ATE1: variants seen among roughly 807,000 people sequenced by gnomAD.
The protein encoded by ATE1 is arginyltransferase 1, also known as arginyl-tRNA--protein transferase 1.
A neutral mutation model predicts 70.5 loss-of-function variants in ATE1; 36 were observed. The ratio of observed to expected loss-of-function variants is 0.51; its 90% CI spans 0.39 to 0.67. The LOEUF (loss-of-function observed/expected upper bound fraction) is 0.67. ATE1 is among the 30% of genes least tolerant of loss of function. The pLI, the probability that ATE1 is intolerant of heterozygous loss-of-function variation, is 0.00. For synonymous variants in ATE1, 232 were observed against 219.3 expected, an observed-to-expected ratio of 1.06 and a Z score of -0.51; for missense variants, 593 against 629.5, an observed-to-expected ratio of 0.94 and a Z score of 0.62.
At chr10:121,771,570 A>C (rs902446528) in intron 11 of ATE1, among the ~76,000 whole-genome samples, 3 of 152,228 alleles carry the variant, frequency 2.0e-5, no homozygotes, top group Non-Finnish European at 2.9e-5. Context: ...CACTCCAGAC[A>C]TGAAACACAC....
At chr10:121,779,416 C>T (rs559308241) in intron 11 of ATE1, among the ~76,000 whole-genome samples, 11 of 152,268 alleles carry the variant, frequency 7.2e-5, no homozygotes, top group Admixed American at 4.6e-4. Context: ...CCAGCACCTG[C>T]TTCAATGGAA....
chr10:121,789,299 T>TTTTTC (rs1463859267), intron 11 of ATE1, among the ~76,000 whole-genome samples: 1 of 140,700 alleles, frequency 7.1e-6, no homozygotes, highest in Non-Finnish European at 1.5e-5. Flanking sequence ...GGCTATGCTT[T>TTTTTC]TTTTTTTTTT....
intron 8 of ATE1, among the ~76,000 whole-genome samples, chr10:121,867,292 C>T (rs183205881): frequency 2.0e-5 from 3 of 152,282 alleles, no homozygotes; most frequent in South Asian, 2.1e-4. Flanking sequence ...TCTTTGCCAT[C>T]GGTGAGTAGT....
intron 8 of ATE1, among the ~76,000 whole-genome samples, chr10:121,843,668 C>A (rs1418616025): frequency 6.6e-6 from 1 of 151,134 alleles, no homozygotes; most frequent in Admixed American, 6.6e-5. Context: ...AAAGGCAATG[C>A]AATAGAGAAA....
intron 10 of ATE1, among the ~76,000 whole-genome samples, chr10:121,790,973 CAT>C (rs202197581): frequency 0.012 from 1,469 of 121,948 alleles, 27 homozygotes; most frequent in African/African-American, 0.04. Flanking sequence ...TGTGTGTGTA[CAT>C]ATATGTGTGT....
At chr10:121,816,123 G>A (rs1947531343) in intron 10 of ATE1, among the ~76,000 whole-genome samples, 1 of 151,706 alleles carries the variant, frequency 6.6e-6, no homozygotes, top group African/African-American at 2.4e-5. Flanking sequence ...ACAAATTGAT[G>A]GTATTTTGTT....
chr10:121,799,941 C>G (rs1269778801), intron 10 of ATE1, among the ~76,000 whole-genome samples: 2 of 152,188 alleles, frequency 1.3e-5, no homozygotes, highest in East Asian at 3.8e-4. Flanking sequence ...GAAAAATGCA[C>G]TGAAGTTACT....
At chr10:121,823,370 A>G (rs1167773953) in intron 10 of ATE1, among the ~76,000 whole-genome samples, 1 of 152,202 alleles carries the variant, frequency 6.6e-6, no homozygotes, top group Non-Finnish European at 1.5e-5. Flanking sequence ...CCAGCTTTAG[A>G]ATGTAGGGAG....
intron 7 of ATE1, among the ~76,000 whole-genome samples, chr10:121,879,167 C>T (rs1950152283): frequency 1.3e-5 from 2 of 151,858 alleles, no homozygotes; most frequent in Non-Finnish European, 1.5e-5. Context: ...AAGACAGATG[C>T]CACCATGATT....
intron 8 of ATE1, among the ~76,000 whole-genome samples, chr10:121,850,326 A>C (rs1372480221): frequency 1.3e-5 from 2 of 151,826 alleles, no homozygotes; most frequent in African/African-American, 4.8e-5. Flanking sequence ...AACTCTCTAT[A>C]CTCTCCTCTA....
chr10:121,833,795 G>A (rs973679936), intron 10 of ATE1, among the ~76,000 whole-genome samples: 1 of 152,136 alleles, frequency 6.6e-6, no homozygotes, highest in African/African-American at 2.4e-5. Context: ...TTAATAAACA[G>A]AAAACAGCAA....
At chr10:121,759,151 A>G (rs1944928783) in intron 11 of ATE1, among the ~76,000 whole-genome samples, 3 of 152,346 alleles carry the variant, frequency 2.0e-5, no homozygotes, top group Middle Eastern at 6.8e-3. Context: ...GCAAATACAA[A>G]AGAAAAGTTC....
At chr10:121,750,690 A>C (rs1315977769) in intron 11 of ATE1, among the ~76,000 whole-genome samples, 2 of 152,244 alleles carry the variant, frequency 1.3e-5, no homozygotes, top group Non-Finnish European at 2.9e-5. Context: ...TAGGCTTTCC[A>C]AAAATTAATG....
intron 10 of ATE1, among the ~76,000 whole-genome samples, chr10:121,804,420 T>C (rs1467401152): frequency 6.6e-6 from 1 of 152,138 alleles, no homozygotes; most frequent in African/African-American, 2.4e-5. Context: ...GATACCGAAA[T>C]AGCATAATTA....
chr10:121,843,673 G>A (rs775504809), intron 8 of ATE1, among the ~76,000 whole-genome samples: 52 of 151,550 alleles, frequency 3.4e-4, no homozygotes, highest in Non-Finnish European at 5.0e-4. Context: ...CAATGCAATA[G>A]AGAAAGAATA....
At chr10:121,837,420 A>G (rs185151958) in intron 9 of ATE1, among the ~76,000 whole-genome samples, 3 of 152,322 alleles carry the variant, frequency 2.0e-5, no homozygotes, top group Non-Finnish European at 2.9e-5. Context: ...TCTCTCCACT[A>G]TAACGCCTAT....
At chr10:121,784,472 G>A (rs1946125990) in intron 11 of ATE1, among the ~76,000 whole-genome samples, 1 of 152,138 alleles carries the variant, frequency 6.6e-6, no homozygotes, top group Non-Finnish European at 1.5e-5. Flanking sequence ...GCAAACTAGG[G>A]AAGTCTAGTA....
rs1010933453 is a variant in ATE1, at chr10:121,743,755, C to G, written c.1482G>C (p.Glu494Asp). The change falls in exon 12 of 12, where the codon GAG becomes GAC. Residue 494 changes from glutamate (E) to aspartate (D), a missense_variant. Around this residue, in one of 3 missense-constraint regions of ATE1, gnomAD observed 90 missense variants for 93.7 expected, o/e 0.96. Transcript: ENST00000224652. ...TGGCGTACTGCAGAACAGCAGCCTC[C>G]TCACTTGGGTCTTTCTGCTGTTTCT... is the stretch of plus-strand genomic sequence containing the variant. ...VYKKQQKDPS[E>D]EAAVLQYASL... The G allele has an allele frequency of 2.5e-6, 4 of 1,614,106 alleles. No individual in the cohort carries two copies. In the South Asian group the frequency reaches 4.4e-5, roughly 18 times the overall value.
chr10:121,838,214 T>C (rs1458964953), intron 9 of ATE1, among the ~76,000 whole-genome samples: 1 of 151,946 alleles, frequency 6.6e-6, no homozygotes, highest in East Asian at 1.9e-4. Flanking sequence ...TAATCAGATC[T>C]CCCAATCCCC....
Sources: allele counts gnomAD v4.1 joint callset (sites outside exome capture counted in the v4.1 genomes callset), GRCh38; gene constraint gnomAD v4.1.1; regional missense constraint gnomAD v4.1.1; transcripts MANE v1.5; gene names NCBI Gene and HGNC (gene_info 2026-07-23, HGNC 2026-07-21).